FAM168A: variants seen among roughly 807,000 people sequenced by gnomAD.
FAM168A encodes family with sequence similarity 168 member A.
FAM168A carries 3 observed loss-of-function variants against 28.5 expected under a neutral mutation model. The observed-to-expected ratio is 0.11, with a 90% CI of 0.05 to 0.27. The LOEUF is 0.27. Ranked by LOEUF, FAM168A falls within the 10% of genes least tolerant of loss-of-function variation. The pLI, the probability that FAM168A is intolerant of heterozygous loss-of-function variation, is 1.00. For synonymous variants in FAM168A, 122 were observed against 124.2 expected (o/e 0.98, Z 0.12); for missense variants, 222 against 311.5 (o/e 0.71, Z 2.16).
chr11:73,577,740 T>C (rs1456741067), intron 1 of FAM168A, among the ~76,000 whole-genome samples: 1 of 152,220 alleles, frequency 6.6e-6, no homozygotes, highest in African/African-American at 2.4e-5. Context: ...TCATTGCTTA[T>C]GCAGCTTGAT....
intron 1 of FAM168A, among the ~76,000 whole-genome samples, chr11:73,549,368 T>TG (rs2134689998): frequency 6.6e-6 from 1 of 152,334 alleles, no homozygotes; most frequent in South Asian, 2.1e-4. Flanking sequence ...TCATAGCTGT[T>TG]TAAATTCAAA....
At chr11:73,568,464 C>T (rs1017556928) in intron 1 of FAM168A, among the ~76,000 whole-genome samples, 1 of 152,112 alleles carries the variant, frequency 6.6e-6, no homozygotes, top group Admixed American at 6.5e-5. Flanking sequence ...TATAATAATA[C>T]ACAAAAATAA....
chr11:73,477,868 G>A (rs771134284), intron 1 of FAM168A, among the ~76,000 whole-genome samples: 1 of 152,044 alleles, frequency 6.6e-6, no homozygotes, highest in Admixed American at 6.6e-5. Flanking sequence ...AGTGATACTA[G>A]ACAGTAATTC....
chr11:73,481,398 C>T (rs1867966021), intron 1 of FAM168A, among the ~76,000 whole-genome samples: 1 of 152,172 alleles, frequency 6.6e-6, no homozygotes, highest in Non-Finnish European at 1.5e-5. Flanking sequence ...CACAGAGTAC[C>T]AGGGTTTCAC....
chr11:73,565,399 C>A (rs1028034798), intron 1 of FAM168A, among the ~76,000 whole-genome samples: 2 of 152,178 alleles, frequency 1.3e-5, no homozygotes, highest in Non-Finnish European at 2.9e-5. Context: ...TATTTCCACA[C>A]ATGCAGTTTA....
chr11:73,452,812 AATAATAATAAT>A (rs1867455565), intron 2 of FAM168A, among the ~76,000 whole-genome samples: 1 of 141,198 alleles, frequency 7.1e-6, no homozygotes, highest in African/African-American at 3.1e-5. Flanking sequence ...GCAAAAAAAA[AATAATAATAAT>A]AAGTAAAATA....
At chr11:73,574,179 A>C (rs1944142919) in intron 1 of FAM168A, among the ~76,000 whole-genome samples, 1 of 152,230 alleles carries the variant, frequency 6.6e-6, no homozygotes, top group Admixed American at 6.5e-5. Context: ...TGAATGTCAC[A>C]TAATAGTTAC....
At chr11:73,429,912 C>T (rs1420101878) in intron 3 of FAM168A, among the ~76,000 whole-genome samples, 1 of 152,190 alleles carries the variant, frequency 6.6e-6, no homozygotes, top group Non-Finnish European at 1.5e-5. Context: ...AACCCTGAGG[C>T]AGGTAGTCAC....
In FAM168A at chr11:73,519,848, G is replaced by A. The variant is rs375384159; in HGVS notation, c.-18-51356C>T. 2.4e-4 allele frequency among the ~76,000 whole-genome samples: 37 copies of A among 151,184 alleles called. 1 individual carries two copies. The East Asian group carries it at 6.4e-3, about 26-fold the overall frequency. ...TATATGTATATTTTTTTTTTCAAGA[G>A]ATAGGGTCTCACTATGTTGCCCAGA... On this transcript the variant is annotated intron_variant, in intron 1 of 7. Transcript: ENST00000356467.
intron 2 of FAM168A, among the ~76,000 whole-genome samples, chr11:73,462,733 A>T (rs1318979621): frequency 6.6e-6 from 1 of 152,032 alleles, no homozygotes; most frequent in Admixed American, 6.5e-5. Flanking sequence ...AAAAGTAGCC[A>T]GGCATAGTGG....
At chr11:73,481,590 A>G (rs1410856016) in intron 1 of FAM168A, among the ~76,000 whole-genome samples, 1 of 152,212 alleles carries the variant, frequency 6.6e-6, no homozygotes, top group Admixed American at 6.5e-5. Flanking sequence ...ACGGTTACTT[A>G]CAAGAGGTTA....
chr11:73,536,694 T>A (rs1201817753), intron 1 of FAM168A, among the ~76,000 whole-genome samples: 4 of 151,826 alleles, frequency 2.6e-5, no homozygotes, highest in African/African-American at 9.7e-5. Flanking sequence ...TCTCAAAAAA[T>A]AATAATAATA....
At chr11:73,579,193 A>T (rs944630052) in intron 1 of FAM168A, among the ~76,000 whole-genome samples, 24 of 152,332 alleles carry the variant, frequency 1.6e-4, no homozygotes, top group African/African-American at 5.5e-4. Context: ...ACTGAGGATT[A>T]GGGTTTCAAC....
chr11:73,428,537 C>A (rs1223937187), intron 3 of FAM168A, among the ~76,000 whole-genome samples: 1 of 152,176 alleles, frequency 6.6e-6, no homozygotes, highest in Non-Finnish European at 1.5e-5. Context: ...CTTACTTGAC[C>A]TTTTGCAACA....
At chr11:73,462,693 C>T (rs771439594) in intron 2 of FAM168A, among the ~76,000 whole-genome samples, 4 of 151,594 alleles carry the variant, frequency 2.6e-5, no homozygotes, top group South Asian at 4.2e-4. Context: ...CTGGCCAACA[C>T]GGTGAAACCC....
chr11:73,554,172 C>T (rs1489036481), intron 1 of FAM168A, among the ~76,000 whole-genome samples: 2 of 151,918 alleles, frequency 1.3e-5, no homozygotes, highest in African/African-American at 2.4e-5. Flanking sequence ...GCCAGGAGTT[C>T]GAGACCAGCC....
chr11:73,469,282 G>A (rs987107544), intron 1 of FAM168A, among the ~76,000 whole-genome samples: 2 of 152,164 alleles, frequency 1.3e-5, no homozygotes, highest in African/African-American at 4.8e-5. Flanking sequence ...GTCCCACCTT[G>A]TTTAGGGAGC....
chr11:73,453,765 G>A (rs547760466), intron 2 of FAM168A, among the ~76,000 whole-genome samples: 2 of 152,256 alleles, frequency 1.3e-5, no homozygotes, highest in East Asian at 1.9e-4. Flanking sequence ...ACTACATTAC[G>A]CAACAGAAAC....
intron 1 of FAM168A, among the ~76,000 whole-genome samples, chr11:73,561,583 C>T (rs1372465108): frequency 6.6e-6 from 1 of 152,108 alleles, no homozygotes; most frequent in Non-Finnish European, 1.5e-5. Flanking sequence ...ACAAAGACCA[C>T]ACAAACGTGG....
Sources: gnomAD v4.1 joint callset for allele counts (sites outside exome capture counted in the v4.1 genomes callset) on GRCh38, gnomAD v4.1.1 for gene constraint, MANE v1.5 for transcripts, NCBI Gene and HGNC (gene_info 2026-07-23, HGNC 2026-07-21) for gene names.